Variants in GALNTL6 observed in about 807,000 individuals in gnomAD.
The protein encoded by GALNTL6 is polypeptide N-acetylgalactosaminyltransferase-like 6.
In GALNTL6, 46 loss-of-function variants were observed where a neutral mutation model predicts 73.7. The ratio of observed to expected loss-of-function variants is 0.62; its 90% CI spans 0.49 to 0.80. The LOEUF is 0.80. Among genes scored for constraint, GALNTL6 ranks in the 30% least tolerant of loss-of-function variants. The pLI, the probability that GALNTL6 is intolerant of heterozygous loss-of-function variation, is 0.00. For missense variants in GALNTL6, 604 were observed against 755.0 expected, an observed-to-expected ratio of 0.80 and a Z score of 2.34; for synonymous variants, 259 against 263.7, an observed-to-expected ratio of 0.98 and a Z score of 0.17.
rs544745535 is a variant in GALNTL6 at position 172,510,953 on chromosome 4, C to T, written c.553+162264C>T. Among the ~76,000 whole-genome samples, 157 of 54,758 alleles carry T rather than the reference C, an allele frequency of 2.9e-3. 65 individuals carry two copies. The highest frequency in any genetic ancestry group is 6.7e-3 in the African/African-American group (148 of 22,068). The allele number at this position is 54,758 out of a possible 152,430, so 35.9% of individuals were successfully genotyped here. ...GGTTTTTGTATTAGGGTGATACTTGCTTCATAGAATGATTTAGGGAGGATT... is the reference window on the plus strand; with the variant it reads ...GGTTTTTGTATTAGGGTGATACTTGTTTCATAGAATGATTTAGGGAGGATT... On this transcript the variant is annotated intron_variant, in intron 5 of 12. Transcript: ENST00000506823.
chr4:172,090,481 C>G (rs189739697), intron 2 of GALNTL6, among the ~76,000 whole-genome samples: 2 of 151,976 alleles, frequency 1.3e-5, no homozygotes, highest in Non-Finnish European at 1.5e-5. Context: ...ATATGTTTGT[C>G]GGCTGCATAA....
chr4:172,550,975 T>C (rs564159846), intron 5 of GALNTL6, among the ~76,000 whole-genome samples: 161 of 152,318 alleles, frequency 1.1e-3, no homozygotes, highest in African/African-American at 3.4e-3. Flanking sequence ...CCGCAGGAGA[T>C]ACTAAACTGT....
chr4:172,093,532 ATGG>A (rs1407653719), intron 2 of GALNTL6, among the ~76,000 whole-genome samples: 2 of 152,064 alleles, frequency 1.3e-5, no homozygotes, highest in Non-Finnish European at 2.9e-5. Context: ...GACTGGTACC[ATGG>A]CCTGTTAGGA....
At chr4:171,885,499 A>G (rs964273999) in intron 2 of GALNTL6, among the ~76,000 whole-genome samples, 20 of 152,082 alleles carry the variant, frequency 1.3e-4, no homozygotes, top group African/African-American at 4.8e-4. Context: ...TTCTCATTTC[A>G]TTTGTTGTGC....
intron 2 of GALNTL6, among the ~76,000 whole-genome samples, chr4:171,888,709 T>C (rs1188373674): frequency 6.6e-6 from 1 of 152,038 alleles, no homozygotes; most frequent in South Asian, 2.1e-4. Flanking sequence ...AGCCTTTCCT[T>C]TGAAAGAGGA....
chr4:172,982,620 C>G (rs964336112), intron 10 of GALNTL6, among the ~76,000 whole-genome samples: 1 of 152,142 alleles, frequency 6.6e-6, no homozygotes, highest in Non-Finnish European at 1.5e-5. Context: ...CCCAGGTTTA[C>G]TACTGACTCA....
At position 171,814,650 on chromosome 4, in the gene GALNTL6, A is replaced by C; in HGVS notation, c.70A>C (p.Asn24His). The C allele has an allele frequency of 1.2e-6, 2 of 1,614,144 alleles. No homozygotes were observed. The highest frequency in any genetic ancestry group is 1.7e-6 in the Non-Finnish European group (2 of 1,180,010). The stretch of plus-strand genomic sequence containing the variant: ...CACGGTGGCTTTAATTTTCCTGCCT[A>C]ACGTTGGTCTCTGGTCTCTGTACAA... The part of the protein sequence containing the change: ...LFTVALIFLP[N>H]VGLWSLYKDK... Residue 24 changes from asparagine to histidine, a missense_variant, in exon 2 of 13, where the codon AAC (asparagine) becomes CAC (histidine). Coordinates refer to ENST00000506823, the MANE Select transcript of GALNTL6 (RefSeq NM_001034845.3).
At chr4:172,341,320 G>A (rs991328194) in intron 4 of GALNTL6, among the ~76,000 whole-genome samples, 1 of 149,626 alleles carries the variant, frequency 6.7e-6, no homozygotes, top group Non-Finnish European at 1.5e-5. Flanking sequence ...GCGTAGTGGC[G>A]GGCGCCTGTA....
At chr4:172,866,595 CA>C (rs562895399) in intron 7 of GALNTL6, among the ~76,000 whole-genome samples, 80 of 152,304 alleles carry the variant, frequency 5.3e-4, no homozygotes, top group African/African-American at 1.9e-3. Flanking sequence ...CCAAACTCCT[CA>C]GCATTACACA....
intron 2 of GALNTL6, among the ~76,000 whole-genome samples, chr4:171,855,255 C>G (rs1391108093): frequency 6.6e-6 from 1 of 152,156 alleles, no homozygotes; most frequent in East Asian, 1.9e-4. Flanking sequence ...CTAAAAATCT[C>G]CTGCACTCCA....
At chr4:172,791,469 A>G (rs1579487395) in intron 5 of GALNTL6, among the ~76,000 whole-genome samples, 1 of 152,308 alleles carries the variant, frequency 6.6e-6, no homozygotes, top group East Asian at 1.9e-4. Context: ...AGTTTGGTTT[A>G]TAACTTTAAA....
intron 3 of GALNTL6, among the ~76,000 whole-genome samples, chr4:172,255,636 A>G (rs554228485): frequency 1.1e-4 from 17 of 151,398 alleles, no homozygotes; most frequent in Non-Finnish European, 2.5e-4. Context: ...ATTCATATAC[A>G]TAGATATATA....
intron 2 of GALNTL6, among the ~76,000 whole-genome samples, chr4:172,229,348 T>A (rs1579279793): frequency 6.6e-6 from 1 of 152,140 alleles, no homozygotes; most frequent in African/African-American, 2.4e-5. Context: ...ATTTACACTT[T>A]GGGCAAATAA....
At chr4:171,886,483 A>G (rs1736611936) in intron 2 of GALNTL6, among the ~76,000 whole-genome samples, 1 of 152,206 alleles carries the variant, frequency 6.6e-6, no homozygotes, top group African/African-American at 2.4e-5. Flanking sequence ...TTATGAGTAA[A>G]AAAGGATTTC....
chr4:172,303,836 C>G (rs920877707), intron 3 of GALNTL6, among the ~76,000 whole-genome samples: 5 of 152,100 alleles, frequency 3.3e-5, no homozygotes, highest in African/African-American at 1.2e-4. Flanking sequence ...CCAAACTGCC[C>G]TCACTCCCCT....
chr4:172,208,802 G>C (rs562112290), intron 2 of GALNTL6, among the ~76,000 whole-genome samples: 1 of 152,072 alleles, frequency 6.6e-6, no homozygotes, highest in African/African-American at 2.4e-5. Context: ...TTAACCTGCC[G>C]AGCCTAATAA....
chr4:172,886,870 G>A (rs1277538794), intron 8 of GALNTL6, among the ~76,000 whole-genome samples: 1 of 152,138 alleles, frequency 6.6e-6, no homozygotes. Flanking sequence ...TACACGTGCA[G>A]GATTGTTACA....
intron 2 of GALNTL6, among the ~76,000 whole-genome samples, chr4:171,939,242 T>C (rs1481633972): frequency 1.3e-5 from 2 of 152,124 alleles, no homozygotes; most frequent in Non-Finnish European, 2.9e-5. Context: ...TGGCATTAAC[T>C]ATTGCTTCCT....
chr4:172,818,607 C>CT (rs201788405), intron 7 of GALNTL6, among the ~76,000 whole-genome samples: 14 of 151,898 alleles, frequency 9.2e-5, no homozygotes, highest in East Asian at 1.9e-4. Context: ...TAAAATCATC[C>CT]TTTTTTTTGG....
Sources: gnomAD v4.1 joint callset for allele counts (sites outside exome capture counted in the v4.1 genomes callset) on GRCh38, gnomAD v4.1.1 for gene constraint, MANE v1.5 for transcripts, NCBI Gene and HGNC (gene_info 2026-07-23, HGNC 2026-07-21) for gene names.